ROBO1: variants seen among roughly 807,000 people sequenced by gnomAD.
The protein encoded by ROBO1 is roundabout guidance receptor 1.
Under a neutral mutation model 195.9 loss-of-function variants are expected in ROBO1, and 149 were observed. That is an observed-to-expected ratio of 0.76 (90% CI 0.67 to 0.87). ROBO1 has a LOEUF of 0.87. ROBO1 is among the 40% of genes least tolerant of loss of function. The probability of loss-of-function intolerance (pLI) is 0.00; values close to 1 mark genes in which losing one functional copy is unlikely to be tolerated. For synonymous variants in ROBO1, 816 were observed against 733.2 expected (o/e 1.11, Z -1.82); for missense variants, 1,933 against 2,068.3 (o/e 0.93, Z 1.27).
At chr3:78,946,587 A>G (rs182794968) in intron 3 of ROBO1, among the ~76,000 whole-genome samples, 2 of 152,248 alleles carry the variant, frequency 1.3e-5, no homozygotes, top group Non-Finnish European at 2.9e-5. Flanking sequence ...TGTAAAGACC[A>G]TCAAGGCTAG....
In ROBO1 at chr3:78,681,253, C is replaced by T. The variant is rs2080899964; in HGVS notation, c.1342+4493G>A. Among the ~76,000 whole-genome samples, 4 of 151,898 alleles carry T rather than the reference C, an allele frequency of 2.6e-5. No homozygotes were observed. The South Asian group carries it at 8.3e-4, about 32-fold the overall frequency. ...ATGCTAAATGAGGAGTTAATGGGTG[C>T]AGCACAGCAGCATGGCACATGTATA... On this transcript the variant is annotated intron_variant, in intron 10 of 30. Transcript: ENST00000464233.
intron 4 of ROBO1, among the ~76,000 whole-genome samples, chr3:78,820,328 A>G (rs936906166): frequency 6.6e-6 from 1 of 152,202 alleles, no homozygotes; most frequent in Admixed American, 6.5e-5. Flanking sequence ...GTTCCAAATA[A>G]TCCTATCAGA....
intron 1 of ROBO1, among the ~76,000 whole-genome samples, chr3:79,687,076 G>A (rs772049965): frequency 1.2e-4 from 19 of 152,050 alleles, no homozygotes; most frequent in South Asian, 8.4e-4. Flanking sequence ...ATCTACAACC[G>A]TCTGATCTTT....
chr3:78,771,589 T>A (rs1186301009), intron 4 of ROBO1, among the ~76,000 whole-genome samples: 1 of 152,160 alleles, frequency 6.6e-6, no homozygotes, highest in Admixed American at 6.5e-5. Context: ...GTTTTTTGGA[T>A]CTCCTTGTTG....
chr3:79,586,615 A>T (rs995502439), intron 2 of ROBO1, among the ~76,000 whole-genome samples: 1 of 151,948 alleles, frequency 6.6e-6, no homozygotes, highest in Non-Finnish European at 1.5e-5. Flanking sequence ...ATTTTCATTT[A>T]AAATATTGCA....
At chr3:79,691,026 C>A (rs1947283630) in intron 1 of ROBO1, among the ~76,000 whole-genome samples, 1 of 151,898 alleles carries the variant, frequency 6.6e-6, no homozygotes, top group Admixed American at 6.6e-5. Context: ...TTATAAACAT[C>A]TTTAAGGTTC....
chr3:79,104,591 C>T (rs1185981599), intron 3 of ROBO1, among the ~76,000 whole-genome samples: 1 of 151,564 alleles, frequency 6.6e-6, no homozygotes, highest in Non-Finnish European at 1.5e-5. Context: ...ATGCATGAGT[C>T]ACTTGTCCAG....
At chr3:78,603,831 C>T (rs1703316365) in intron 29 of ROBO1, among the ~76,000 whole-genome samples, 2 of 151,956 alleles carry the variant, frequency 1.3e-5, no homozygotes, top group South Asian at 4.2e-4. Flanking sequence ...CATCAGTGTA[C>T]CTCAGTGATT....
chr3:79,664,026 T>C (rs1946403190), intron 1 of ROBO1, among the ~76,000 whole-genome samples: 1 of 152,122 alleles, frequency 6.6e-6, no homozygotes, highest in Non-Finnish European at 1.5e-5. Flanking sequence ...TATACAATTC[T>C]GAATTACTTT....
chr3:79,599,889 C>T (rs1944289108), intron 1 of ROBO1, among the ~76,000 whole-genome samples: 1 of 151,710 alleles, frequency 6.6e-6, no homozygotes, highest in South Asian at 2.1e-4. Context: ...TATAGTCTAT[C>T]CAAATTTTTT....
chr3:79,282,418 G>T (rs1472951453), intron 2 of ROBO1, among the ~76,000 whole-genome samples: 1 of 152,170 alleles, frequency 6.6e-6, no homozygotes, highest in East Asian at 1.9e-4. Context: ...CTGCTATTGT[G>T]GGGCTTTCAT....
At chr3:79,154,732 T>A (rs1361085047) in intron 2 of ROBO1, among the ~76,000 whole-genome samples, 1 of 151,808 alleles carries the variant, frequency 6.6e-6, no homozygotes, top group East Asian at 1.9e-4. Flanking sequence ...AGTTTTAAAA[T>A]AACATACTAC....
chr3:79,424,813 C>A (rs1418663310), intron 2 of ROBO1, among the ~76,000 whole-genome samples: 1 of 151,860 alleles, frequency 6.6e-6, no homozygotes, highest in Non-Finnish European at 1.5e-5. Flanking sequence ...ATACGTTGGG[C>A]CAGTTAGATA....
At chr3:78,657,058 G>T in intron 18 of ROBO1, 40 bp downstream of exon 18, 1 of 1,538,970 alleles carries the variant, frequency 6.5e-7, no homozygotes, top group South Asian at 1.3e-5. Context: ...ACACATGGTA[G>T]AGTGAGAGAT....
intron 4 of ROBO1, among the ~76,000 whole-genome samples, chr3:78,899,215 AT>A (rs2037436452): frequency 2.6e-5 from 4 of 152,214 alleles, no homozygotes; most frequent in Admixed American, 2.6e-4. Context: ...GACAACTTAA[AT>A]AAGTAAGTGC....
At chr3:78,856,014 A>T (rs2034401247) in intron 4 of ROBO1, among the ~76,000 whole-genome samples, 1 of 152,008 alleles carries the variant, frequency 6.6e-6, no homozygotes. Context: ...GTCAATTCCA[A>T]GGGAATATTC....
chr3:79,026,809 C>G (rs2078210965), intron 3 of ROBO1, among the ~76,000 whole-genome samples: 1 of 151,992 alleles, frequency 6.6e-6, no homozygotes, highest in Non-Finnish European at 1.5e-5. Context: ...CATAGCCTTA[C>G]AATTTGAACA....
chr3:78,631,815 G>C (rs2107509363), intron 24 of ROBO1, among the ~76,000 whole-genome samples: 1 of 152,278 alleles, frequency 6.6e-6, no homozygotes, highest in East Asian at 1.9e-4. Flanking sequence ...TGAAATAATA[G>C]CTGGAATAAC....
chr3:79,082,895 C>G (rs957873363), intron 3 of ROBO1, among the ~76,000 whole-genome samples: 1 of 152,232 alleles, frequency 6.6e-6, no homozygotes, highest in African/African-American at 2.4e-5. Context: ...TTATTTTTAG[C>G]TCCCTAGGAA....
Sources: gnomAD v4.1 joint callset for allele counts (sites outside exome capture counted in the v4.1 genomes callset) on GRCh38, gnomAD v4.1.1 for gene constraint, MANE v1.5 for transcripts, NCBI Gene and HGNC (gene_info 2026-07-23, HGNC 2026-07-21) for gene names.